ZSCAN18: variants seen among roughly 807,000 people sequenced by gnomAD.
The protein encoded by ZSCAN18 is zinc finger and SCAN domain-containing protein 18.
In ZSCAN18, 16 loss-of-function variants were observed where a neutral mutation model predicts 31.1. The ratio of observed to expected loss-of-function variants is 0.51; its 90% CI spans 0.35 to 0.78. The LOEUF (loss-of-function observed/expected upper bound fraction) is 0.78. Among genes scored for constraint, ZSCAN18 ranks in the 30% least tolerant of loss-of-function variants. The pLI, the probability that ZSCAN18 is intolerant of heterozygous loss-of-function variation, is 0.01. For synonymous variants in ZSCAN18, 375 were observed against 320.7 expected (o/e 1.17, Z -1.81); for missense variants, 731 against 697.4 (o/e 1.05, Z -0.54).
intron 6 of ZSCAN18, 33 bp downstream of exon 6, chr19:58,086,141 C>T (rs2074275228): frequency 6.2e-7 from 1 of 1,607,886 alleles, no homozygotes; most frequent in African/African-American, 1.3e-5. Context: ...GCAAACCCCA[C>T]CCGGCCCTAA....
chr19:58,101,299 A>ATTTTTTTTTTT (rs71188078), upstream of ZSCAN18, among the ~76,000 whole-genome samples: 128 of 108,362 alleles, frequency 1.2e-3, no homozygotes, highest in African/African-American at 2.4e-3. Context: ...TGCCCAGCTA[A>ATTTTTTTTTTT]TTTTTTTTTT....
rs79644530 is a variant in ZSCAN18 at position 58,115,567 on chromosome 19, A to G, written c.130+2700T>C. Among the ~76,000 whole-genome samples, 7 of 152,308 alleles carry G rather than the reference A, an allele frequency of 4.6e-5. 1 individual carries two copies. In the East Asian group the frequency reaches 1.4e-3, roughly 29 times the overall value. On this transcript the variant is annotated intron_variant, in intron 1 of 1. Coordinates refer to the ZSCAN18 transcript ENST00000595721. ...TCCTTTTTTGTTTTTCCTAGTTAAC[A>G]TTATATTACGGGTAGTTCCCACAAC...
At chr19:58,101,991 G>C (rs1194333895), upstream of ZSCAN18, among the ~76,000 whole-genome samples, 1 of 151,946 alleles carries the variant, frequency 6.6e-6, no homozygotes, top group East Asian at 1.9e-4. Flanking sequence ...ACTTAAATGA[G>C]CACCTATTAG....
rs765341439 is a variant in ZSCAN18 at position 58,089,873 on chromosome 19, T to A, written c.395A>T (p.Glu132Val). 5 of 1,609,232 alleles carry A rather than the reference T, an allele frequency of 3.1e-6. No individual in the cohort carries two copies. Among genetic ancestry groups the A allele is most frequent in the Non-Finnish European group, 4.2e-6 (5 of 1,176,754 alleles). Residue 132 changes from glutamate (E) to valine (V), a missense_variant, in exon 2 of 7, where the codon GAA becomes GTA. Coordinates refer to ENST00000601144, the MANE Select transcript of ZSCAN18 (RefSeq NM_001145543.2). ...CCTCTGTGACAGCCCACCTGGCTCT[T>A]CCAGGACATCAGCGAGGCCCTCCAC... ...SLVEGLADVL[E>V]EPGMLLGSPA...
chr19:58,109,226 T>C, intron 1 of ZSCAN18: 1 of 1,231,722 alleles, frequency 8.1e-7, no homozygotes, highest in Non-Finnish European at 1.0e-6. Flanking sequence ...GATGAACCTT[T>C]TTATTTTCAC....
At chr19:58,088,566 A>G (rs2074333379) in intron 3 of ZSCAN18, 122 bp downstream of exon 3, 2 of 949,384 alleles carry the variant, frequency 2.1e-6, no homozygotes, top group Admixed American at 2.3e-5. Context: ...AGTCCCAATG[A>G]TAGCATGGAC....
intron 1 of ZSCAN18, among the ~76,000 whole-genome samples, chr19:58,107,052 C>T (rs1484185003): frequency 2.0e-5 from 3 of 151,744 alleles, no homozygotes; most frequent in African/African-American, 4.8e-5. Context: ...CGTGAGCCAC[C>T]GTGCCTGGCC....
upstream of ZSCAN18, chr19:58,098,435 C>G: frequency 1.0e-6 from 1 of 954,002 alleles, no homozygotes. Context: ...ACGAAGTAAA[C>G]AAGCGGGTAA....
At chr19:58,087,464 G>A (rs2074306252) in intron 3 of ZSCAN18, 60 bp from the exon 4 acceptor site, 1 of 1,485,338 alleles carries the variant, frequency 6.7e-7, no homozygotes, top group East Asian at 2.4e-5. Flanking sequence ...GTGCCCTCAA[G>A]GGTCAAGGAG....
At chr19:58,094,615 C>T (rs1224790606) in intron 1 of ZSCAN18, among the ~76,000 whole-genome samples, 2 of 151,982 alleles carry the variant, frequency 1.3e-5, no homozygotes, top group African/African-American at 4.8e-5. Context: ...TGGTGGCTCA[C>T]ACCTGTAATC....
Position 58,086,913 on chromosome 19 carries a change from G to A in ZSCAN18, c.738C>T (p.Leu246=), listed in dbSNP as rs142570646. 174 of 1,613,462 alleles carry A rather than the reference G, an allele frequency of 1.1e-4. No individual in the cohort carries two copies. Among genetic ancestry groups the A allele is most frequent in the Non-Finnish European group, 1.4e-4 (169 of 1,179,904 alleles). ...GAGGCAGGCGACTCTCACCCCACAG[G>A]AGCAGCTTCCGGTAGCTCTTCAGGT... The part of the protein sequence containing the change: ...EENLKSYRKL[L]LWGYQLSQPD... The change falls in exon 5 of 7, where the codon CTC becomes CTT. Residue 246 remains leucine (L), a synonymous_variant. Transcript: ENST00000601144.
intron 6 of ZSCAN18, 193 bp downstream of exon 6, chr19:58,085,981 G>A (rs911529373): frequency 3.4e-6 from 2 of 591,394 alleles, no homozygotes; most frequent in East Asian, 2.8e-5. Context: ...AAGTCTTGGG[G>A]TGGTCTGTCA....
chr19:58,084,950 G>T lies in ZSCAN18; in HGVS notation c.1268C>A (p.Ala423Glu). ...GTGCTCCATCAGGTGCGAGAGCCAC[G>T]CGAAGGCCTCCCCGCACTCGCCGCA... ...YACGECGEAF[A>E]WLSHLMEHHS... is the part of the protein sequence containing the mutation. Residue 423 changes from alanine to glutamate, a missense_variant, in exon 7 of 7, where the codon GCG (alanine) becomes GAG (glutamate). Physicochemically the swap from Ala to Glu is moderately radical, Grantham distance 107. Coordinates refer to ENST00000601144, the MANE Select transcript of ZSCAN18 (RefSeq NM_001145543.2). The surrounding 1 kb of genome is among the most constrained non-coding windows in gnomAD (Gnocchi z 4.5). 2 of 1,598,400 alleles carry T rather than the reference G, an allele frequency of 1.3e-6. No individual in the cohort carries two copies. The highest frequency in any genetic ancestry group is 8.5e-7 in the Non-Finnish European group (1 of 1,174,740).
rs1245156981 is a variant in ZSCAN18, at chr19:58,108,078, ATTGT to A, written c.130+10185_130+10188del. 1.1e-5 allele frequency: 11 copies of A among 994,966 alleles called. No individual in the cohort carries two copies. In the African/African-American group the frequency reaches 1.2e-4, roughly 11 times the overall value. 61.6% of individuals were successfully genotyped at this position (994,966 alleles called of 1,614,324 possible). ...TAATCTCAGTGAAAGATTTTTTCAC[ATTGT>A]TTAACTCATGAGATTTCTTTCCAGA... On this transcript the variant is annotated intron_variant, in intron 1 of 1. Coordinates refer to the ZSCAN18 transcript ENST00000595721.
intron 1 of ZSCAN18, among the ~76,000 whole-genome samples, chr19:58,097,685 C>T (rs372057006): frequency 1.4e-5 from 2 of 147,920 alleles, no homozygotes; most frequent in East Asian, 4.1e-4. Flanking sequence ...CCCCCACTTC[C>T]TCCCCTCCTC....
In ZSCAN18 at chr19:58,088,785, C is replaced by A; in HGVS notation, c.456G>T (p.Val152=). 6.2e-7 allele frequency: 1 copy of A among 1,612,646 alleles called. No individual in the cohort carries two copies. The highest frequency in any genetic ancestry group is 8.5e-7 in the Non-Finnish European group (1 of 1,179,986). Residue 152 remains valine (V), a synonymous_variant, in exon 3 of 7, where the codon GTG becomes GTT. Coordinates refer to ENST00000601144, the MANE Select transcript of ZSCAN18 (RefSeq NM_001145543.2). The part of the protein sequence containing the change: ...AGSSSILSDG[V]YERHMDPLLL... ...GCAGAGGGTCCATGTGCCTCTCGTA[C>A]ACTCCATCGCTAAGAATTGAGGATG...
At chr19:58,115,894 C>A (rs2074725491) in intron 1 of ZSCAN18, among the ~76,000 whole-genome samples, 1 of 152,010 alleles carries the variant, frequency 6.6e-6, no homozygotes, top group Admixed American at 6.6e-5. Flanking sequence ...TACAAGGATA[C>A]ACATTCAACT....
chr19:58,100,537 C>T (rs1480884215), upstream of ZSCAN18, among the ~76,000 whole-genome samples: 1 of 152,142 alleles, frequency 6.6e-6, no homozygotes, highest in African/African-American at 2.4e-5. Context: ...AAACGGGCTC[C>T]TTATGAATTG....
chr19:58,087,064 G>A lies in ZSCAN18; in HGVS notation c.643-56C>T, dbSNP rs560785153. On this transcript the variant is annotated intron_variant, in intron 4 of 6. Coordinates refer to ENST00000601144, the MANE Select transcript of ZSCAN18 (RefSeq NM_001145543.2). ...ACCTGCCCTAGAGAAGGGAGGACCC[G>A]CCGCAGCCCCACAGCCACAGGAGCA... is the stretch of plus-strand genomic sequence containing the variant. The A allele has an allele frequency of 3.4e-5, 49 of 1,431,140 alleles. No individual in the cohort carries two copies. Among genetic ancestry groups the A allele is most frequent in the Non-Finnish European group, 4.3e-5 (45 of 1,036,560 alleles). The allele number at this position is 1,431,140 out of a possible 1,614,324, so 88.7% of individuals were successfully genotyped here.
Sources: allele counts gnomAD v4.1 joint callset (sites outside exome capture counted in the v4.1 genomes callset), GRCh38; gene constraint gnomAD v4.1.1; non-coding constraint Gnocchi (gnomAD v3.1); transcripts MANE v1.5; gene names NCBI Gene and HGNC (gene_info 2026-07-23, HGNC 2026-07-21).